Variants in ATXN1 observed in about 807,000 individuals in gnomAD.
The protein encoded by ATXN1 is ataxin 1, also known as ataxin-1.
ATXN1 carries 8 observed loss-of-function variants against 56.4 expected under a neutral mutation model. The ratio of observed to expected loss-of-function variants is 0.14; its 90% CI spans 0.08 to 0.26. ATXN1 has a LOEUF of 0.26. ATXN1 is among the 10% of genes least tolerant of loss of function. The pLI, the probability that ATXN1 is intolerant of heterozygous loss-of-function variation, is 1.00. For missense variants in ATXN1, 987 were observed against 1,106.5 expected (o/e 0.89, Z 1.53); for synonymous variants, 514 against 494.6 (o/e 1.04, Z -0.52).
chr6:16,586,327 T>A (rs1581863387), intron 3 of ATXN1, among the ~76,000 whole-genome samples: 1 of 152,230 alleles, frequency 6.6e-6, no homozygotes, highest in African/African-American at 2.4e-5. Context: ...TCTCTAAGAC[T>A]CCTTCTAGCC....
At chr6:16,467,280 T>C (rs575898246) in intron 6 of ATXN1, among the ~76,000 whole-genome samples, 4 of 152,334 alleles carry the variant, frequency 2.6e-5, no homozygotes, top group South Asian at 4.1e-4. Context: ...GCACAACATA[T>C]GCAGAAACAC....
Position 16,388,217 on chromosome 6 carries a change from G to A in ATXN1, c.-160-59747C>T, listed in dbSNP as rs151149012. 3.4e-3 allele frequency among the ~76,000 whole-genome samples: 519 copies of A among 152,310 alleles called. 4 individuals are homozygous for A. In the Middle Eastern group the frequency reaches 0.044, roughly 13 times the overall value. On this transcript the variant is annotated intron_variant, in intron 6 of 7. Coordinates refer to ENST00000436367, the MANE Select transcript of ATXN1 (RefSeq NM_001128164.2). ...CGGTGAAAGGGGCTGCAGGTCCCAT[G>A]CAATGCTGTCAGCTGCAGGCCTGGG... is the stretch of plus-strand genomic sequence containing the variant.
chr6:16,397,260 T>C (rs1194244379), intron 6 of ATXN1, among the ~76,000 whole-genome samples: 1 of 151,884 alleles, frequency 6.6e-6, no homozygotes, highest in Non-Finnish European at 1.5e-5. Flanking sequence ...TTTTGTTTTG[T>C]TTTTTGTTTT....
chr6:16,537,706 CAAAAAAAAGAAAAAAA>C (rs910043964), intron 4 of ATXN1, among the ~76,000 whole-genome samples: 1 of 135,662 alleles, frequency 7.4e-6, no homozygotes, highest in Non-Finnish European at 1.6e-5. Flanking sequence ...AACTCTGTCT[CAAAAAAAAGAAAAAAA>C]GAAAAAAAGA....
intron 6 of ATXN1, among the ~76,000 whole-genome samples, chr6:16,334,303 A>G (rs1273133044): frequency 6.6e-6 from 1 of 152,232 alleles, no homozygotes; most frequent in Non-Finnish European, 1.5e-5. Context: ...CAATTAGCCT[A>G]CTAGCAGGGT....
chr6:16,643,332 C>T (rs776975977), intron 3 of ATXN1, among the ~76,000 whole-genome samples: 9 of 151,332 alleles, frequency 5.9e-5, no homozygotes, highest in Non-Finnish European at 1.0e-4. Flanking sequence ...ACAGGCACTA[C>T]AGAAATGTAA....
In ATXN1 at chr6:16,427,431, G is replaced by A. The variant is rs963160835; in HGVS notation, c.-161+58541C>T. Among the ~76,000 whole-genome samples, 8 of 152,184 alleles carry A rather than the reference G, an allele frequency of 5.3e-5. No individual in the cohort carries two copies. The East Asian group carries it at 7.7e-4, about 15-fold the overall frequency. On this transcript the variant is annotated intron_variant, in intron 6 of 7. Coordinates refer to ENST00000436367, the MANE Select transcript of ATXN1 (RefSeq NM_001128164.2). ...CGGAGGTAAATTTTATAGAGAGTTG[G>A]CTGGTTCTAAGTGGAAAACTACTCT...
chr6:16,361,219 G>C (rs1193640497), intron 6 of ATXN1, among the ~76,000 whole-genome samples: 1 of 152,072 alleles, frequency 6.6e-6, no homozygotes, highest in African/African-American at 2.4e-5. Flanking sequence ...AGCCAAAAGG[G>C]TAATAGTGAT....
chr6:16,671,302 TTTCTTTC>T (rs1271960594), intron 2 of ATXN1, among the ~76,000 whole-genome samples: 2 of 84,930 alleles, frequency 2.4e-5, no homozygotes, highest in East Asian at 3.6e-4. Context: ...GCACTTTTCT[TTTCTTTC>T]TTTTTTTTTT....
chr6:16,558,513 C>T (rs1762057167), intron 4 of ATXN1, among the ~76,000 whole-genome samples: 1 of 151,900 alleles, frequency 6.6e-6, no homozygotes, highest in African/African-American at 2.4e-5. Context: ...TACAAACAGG[C>T]GTGCGCCACC....
chr6:16,495,525 A>C (rs904011083), intron 5 of ATXN1, among the ~76,000 whole-genome samples: 2 of 152,246 alleles, frequency 1.3e-5, no homozygotes, highest in Non-Finnish European at 2.9e-5. Context: ...ACTACCATGC[A>C]AAATTGCATG....
At chr6:16,421,669 G>A (rs1033961420) in intron 6 of ATXN1, among the ~76,000 whole-genome samples, 5 of 151,854 alleles carry the variant, frequency 3.3e-5, no homozygotes, top group Non-Finnish European at 5.9e-5. Flanking sequence ...GGGGGCGTGA[G>A]TGTGCATGCA....
intron 7 of ATXN1, among the ~76,000 whole-genome samples, chr6:16,310,088 A>G (rs1760355928): frequency 6.6e-6 from 1 of 151,656 alleles, no homozygotes; most frequent in Non-Finnish European, 1.5e-5. Context: ...AAAAGCCTCT[A>G]GAACAAAATA....
chr6:16,389,174 T>C (rs1758298913), intron 6 of ATXN1, among the ~76,000 whole-genome samples: 1 of 151,954 alleles, frequency 6.6e-6, no homozygotes, highest in African/African-American at 2.4e-5. Context: ...TCGTCTGTAC[T>C]AAAAGTACAA....
intron 7 of ATXN1, among the ~76,000 whole-genome samples, chr6:16,324,453 T>G (rs1487268008): frequency 7.5e-6 from 1 of 133,314 alleles, no homozygotes; most frequent in African/African-American, 3.1e-5. Context: ...GTCTCAAAAA[T>G]GAAAAAAAAA....
intron 7 of ATXN1, among the ~76,000 whole-genome samples, chr6:16,318,925 G>A (rs1050144071): frequency 7.2e-5 from 11 of 152,110 alleles, no homozygotes; most frequent in Non-Finnish European, 1.3e-4. Flanking sequence ...GCCTTAAAAT[G>A]TGTGCCTTAG....
chr6:16,443,044 T>A (rs1416226537), intron 6 of ATXN1, among the ~76,000 whole-genome samples: 1 of 151,586 alleles, frequency 6.6e-6, no homozygotes, highest in African/African-American at 2.4e-5. Flanking sequence ...ATAGCGGGCA[T>A]GGTGGGGCAC....
chr6:16,523,538 G>A (rs546809463), intron 4 of ATXN1, among the ~76,000 whole-genome samples: 77 of 152,268 alleles, frequency 5.1e-4, no homozygotes, highest in South Asian at 1.2e-3. Context: ...CTTTATTTGC[G>A]GAGATGGAGT....
intron 2 of ATXN1, chr6:16,667,096 C>T (rs958910217): frequency 2.6e-5 from 4 of 152,166 alleles, no homozygotes; most frequent in Non-Finnish European, 5.9e-5. Flanking sequence ...ATTATCTCCT[C>T]TAAGCCCTAG....
Sources: allele counts gnomAD v4.1 joint callset (sites outside exome capture counted in the v4.1 genomes callset), GRCh38; gene constraint gnomAD v4.1.1; transcripts MANE v1.5; gene names NCBI Gene and HGNC (gene_info 2026-07-23, HGNC 2026-07-21).